Variants in ZC3H3 observed in about 807,000 individuals in gnomAD.
The protein encoded by ZC3H3 is zinc finger CCCH domain-containing protein 3.
In ZC3H3, 36 loss-of-function variants were observed where a neutral mutation model predicts 77.3. The observed-to-expected ratio is 0.47, with a 90% CI of 0.36 to 0.61. The LOEUF (loss-of-function observed/expected upper bound fraction) is 0.61, where lower values mean the gene tolerates loss of function less well. Among genes scored for constraint, ZC3H3 ranks in the 20% least tolerant of loss-of-function variants. The probability of loss-of-function intolerance (pLI) is 0.00; values close to 1 mark genes in which losing one functional copy is unlikely to be tolerated. For synonymous variants in ZC3H3, 626 were observed against 555.2 expected (o/e 1.13, Z -1.79); for missense variants, 1,331 against 1,312.2 (o/e 1.01, Z -0.22).
At chr8:143,507,636 TG>T in intron 4 of ZC3H3, 109 bp downstream of exon 4, 1 of 1,301,302 alleles carries the variant, frequency 7.7e-7, no homozygotes, top group Admixed American at 3.3e-5. Context: ...CAAGCAGTTC[TG>T]GGATGTGCTC....
chr8:143,471,068 C>A (rs1328091262), intron 5 of ZC3H3, among the ~76,000 whole-genome samples: 1 of 152,188 alleles, frequency 6.6e-6, no homozygotes, highest in Non-Finnish European at 1.5e-5. Flanking sequence ...TCCTCAGCAC[C>A]TCCAGGCCCT....
chr8:143,500,801 G>C (rs985244116), intron 4 of ZC3H3, among the ~76,000 whole-genome samples: 1 of 144,646 alleles, frequency 6.9e-6, no homozygotes, highest in Admixed American at 7.1e-5. Context: ...TCCCCACACC[G>C]TCACGTCACA....
At chr8:143,454,263 G>A (rs1345153036) in intron 9 of ZC3H3, among the ~76,000 whole-genome samples, 2 of 142,870 alleles carry the variant, frequency 1.4e-5, no homozygotes, top group African/African-American at 5.2e-5. Flanking sequence ...TTTTTTTTTT[G>A]TAACTTTAGT....
rs1355036143 is a variant in ZC3H3, at chr8:143,538,776, A to C, written c.591T>G (p.Gly197=). 7 of 1,611,958 alleles carry C rather than the reference A, an allele frequency of 4.3e-6. 1 individual carries two copies. The South Asian group carries it at 7.7e-5, about 18-fold the overall frequency. ...DPLLVCQKEP[G]KPRMVKSVGS... ...CCACTGACTTCACCATCCTGGGCTT[A>C]CCAGGCTCCTTCTGGCAGACCAGAA... Residue 197 remains glycine (G), a synonymous_variant, in exon 2 of 12, where the codon GGT becomes GGG. Coordinates refer to ENST00000262577, the MANE Select transcript of ZC3H3 (RefSeq NM_015117.3).
intron 4 of ZC3H3, among the ~76,000 whole-genome samples, chr8:143,490,701 G>A (rs977253605): frequency 6.6e-6 from 1 of 152,210 alleles, no homozygotes; most frequent in African/African-American, 2.4e-5. Flanking sequence ...GATCACTTGA[G>A]GTCAGGAGTT....
At position 143,483,866 on chromosome 8, in the gene ZC3H3, C is replaced by T. The variant is rs146022756; in HGVS notation, c.1716-8281G>A. Among the ~76,000 whole-genome samples, 1,032 of 152,368 alleles carry T rather than the reference C, an allele frequency of 6.8e-3. 7 individuals carry two copies. Among genetic ancestry groups the T allele is most frequent in the Non-Finnish European group, 0.012 (789 of 68,032 alleles). On this transcript the variant is annotated intron_variant, in intron 4 of 11. Transcript: ENST00000262577. ...GGCAGTAGCTGCTGTTCAGCAGGGG[C>T]TCCGGCACCATGGCCAGATGGGCTC... is the stretch of plus-strand genomic sequence containing the variant.
At chr8:143,440,823 T>C in intron 10 of ZC3H3, 113 bp downstream of exon 10, 3 of 1,182,664 alleles carry the variant, frequency 2.5e-6, no homozygotes, top group Non-Finnish European at 3.3e-6. Context: ...CTTTCTGGTC[T>C]GAGGCCCAAA....
Position 143,475,578 on chromosome 8 carries a change from C to G in ZC3H3, c.1723G>C (p.Val575Leu), listed in dbSNP as rs1446473557. 6.3e-7 allele frequency: 1 copy of G among 1,596,436 alleles called. No individual in the cohort carries two copies. Residue 575 changes from valine to leucine, a missense_variant, in exon 5 of 12, where the codon GTG becomes CTG. Around this residue, in one of 3 missense-constraint regions of ZC3H3, gnomAD observed 978 missense variants for 915.5 expected, o/e 1.07. Coordinates refer to ENST00000262577, the MANE Select transcript of ZC3H3 (RefSeq NM_015117.3). ...GCAACTGGACGCAGGCGGTTCAGCA[C>G]CAGGGACCTGCAGAGACAGGAAATG... is the stretch of plus-strand genomic sequence containing the variant. ...ARRLSLSRSL[V>L]LNRLRPVASG...
In ZC3H3 at chr8:143,521,540, AG is replaced by A. The variant is rs754163890; in HGVS notation, c.1562-13642del. Among the ~76,000 whole-genome samples, 22 of 152,310 alleles carry A rather than the reference AG, an allele frequency of 1.4e-4. No homozygotes were observed. The East Asian group carries it at 2.9e-3, about 20-fold the overall frequency. ...GGGCATCTGCTACTTGTGTTTTCAA[AG>A]GGCCCAGAAACAAGCCACGCCTGCA... On this transcript the variant is annotated intron_variant, in intron 3 of 11. Transcript: ENST00000262577.
intron 4 of ZC3H3, among the ~76,000 whole-genome samples, chr8:143,496,512 G>C (rs1193777595): frequency 6.6e-6 from 1 of 152,228 alleles, no homozygotes; most frequent in Non-Finnish European, 1.5e-5. Context: ...CAGAATAACA[G>C]AGCAGATTAC....
At position 143,493,946 on chromosome 8, in the gene ZC3H3, A is replaced by G. The variant is rs544654793; in HGVS notation, c.1715+13800T>C. Among the ~76,000 whole-genome samples, 2 of 152,376 alleles carry G rather than the reference A, an allele frequency of 1.3e-5. No homozygotes were observed. Among genetic ancestry groups the G allele is most frequent in the African/African-American group, 4.8e-5 (2 of 41,590 alleles). ...GTCCTGTTTCATAAAATAAAAAATT[A>G]TAAAAATGAGCACAGGCACAGGGAG... On this transcript the variant is annotated intron_variant, in intron 4 of 11. Transcript: ENST00000262577. This position sits in a 1 kb window ranked among gnomAD's most constrained non-coding sequence, Gnocchi z 4.8.
intron 4 of ZC3H3, among the ~76,000 whole-genome samples, chr8:143,489,311 G>A (rs1821133001): frequency 6.6e-6 from 1 of 152,212 alleles, no homozygotes; most frequent in African/African-American, 2.4e-5. Flanking sequence ...AGGTGGGAAG[G>A]GCTCAGCCAG....
rs753150530 is a variant in ZC3H3 at position 143,539,081 on chromosome 8, G to C, written c.286C>G (p.His96Asp). 7 of 1,612,948 alleles carry C rather than the reference G, an allele frequency of 4.3e-6. No homozygotes were observed. The highest frequency in any genetic ancestry group is 3.4e-6 in the Non-Finnish European group (4 of 1,179,996). The change falls in exon 2 of 12, where the codon CAC becomes GAC. Residue 96 changes from histidine (H) to aspartate (D), a missense_variant. This residue lies in a region of ZC3H3 where 978 missense variants were observed against 915.5 expected (regional missense o/e 1.07). Coordinates refer to ENST00000262577, the MANE Select transcript of ZC3H3 (RefSeq NM_015117.3). ...GGAGGCTGGCCCCCCCGGGCCCCGT[G>C]CAACGGCCGCACAGCATGGTCGGCA... ...PPADHAVRPL[H>D]GARGGQPPVP...
chr8:143,523,629 G>T, intron 3 of ZC3H3: 1 of 782,082 alleles, frequency 1.3e-6, no homozygotes, highest in Non-Finnish European at 1.6e-6. Context: ...TCCTCATCCA[G>T]CTTGGGCAGG....
At chr8:143,507,648 A>G (rs1821743016) in intron 4 of ZC3H3, 98 bp downstream of exon 4, 1 of 1,340,286 alleles carries the variant, frequency 7.5e-7, no homozygotes, top group African/African-American at 1.5e-5. Context: ...GGATGTGCTC[A>G]GCTCCCCCTG....
intron 3 of ZC3H3, among the ~76,000 whole-genome samples, chr8:143,532,961 G>A (rs977202442): frequency 1.1e-4 from 16 of 152,134 alleles, no homozygotes; most frequent in Admixed American, 3.9e-4. Context: ...ACATCTCCAC[G>A]GGCTCCCTGC....
At chr8:143,519,871 T>TGTGG (rs1254402522) in intron 3 of ZC3H3, among the ~76,000 whole-genome samples, 1 of 152,156 alleles carries the variant, frequency 6.6e-6, no homozygotes, top group African/African-American at 2.4e-5. Context: ...TGCCCTGCCC[T>TGTGG]GTGGGAAGCC....
chr8:143,503,251 G>C (rs1821581569), intron 4 of ZC3H3, among the ~76,000 whole-genome samples: 1 of 152,156 alleles, frequency 6.6e-6, no homozygotes, highest in Admixed American at 6.5e-5. Context: ...GTTGAGGCAG[G>C]AGTCCCGTTC....
intron 4 of ZC3H3, among the ~76,000 whole-genome samples, chr8:143,506,539 T>A (rs1449774693): frequency 6.6e-6 from 1 of 152,230 alleles, no homozygotes; most frequent in Non-Finnish European, 1.5e-5. Flanking sequence ...GGTGTAAATT[T>A]AACCTTATCG....
Sources: allele counts gnomAD v4.1 joint callset (sites outside exome capture counted in the v4.1 genomes callset), GRCh38; gene constraint gnomAD v4.1.1; regional missense constraint gnomAD v4.1.1; non-coding constraint Gnocchi (gnomAD v3.1); transcripts MANE v1.5; gene names NCBI Gene and HGNC (gene_info 2026-07-23, HGNC 2026-07-21).